TANC1: variants seen among roughly 807,000 people sequenced by gnomAD.
TANC1 encodes tetratricopeptide repeat, ankyrin repeat and coiled-coil containing 1, also known as protein TANC1.
TANC1 carries 77 observed loss-of-function variants against 149.7 expected under a neutral mutation model. The ratio of observed to expected loss-of-function variants is 0.51; its 90% confidence interval spans 0.43 to 0.62. The LOEUF (loss-of-function observed/expected upper bound fraction) is 0.62, where lower values mean the gene tolerates loss of function less well. Ranked by LOEUF, TANC1 falls within the 20% of genes least tolerant of loss-of-function variation. The pLI, the probability that TANC1 is intolerant of heterozygous loss-of-function variation, is 0.00. For missense variants in TANC1, 1,985 were observed against 2,321.8 expected, an observed-to-expected ratio of 0.85 and a Z score of 2.98; for synonymous variants, 854 against 925.0, an observed-to-expected ratio of 0.92 and a Z score of 1.39.
Position 159,230,173 on chromosome 2 carries a change from G to A in TANC1, c.4747G>A (p.Glu1583Lys), listed in dbSNP as rs1464772955. The A allele has an allele frequency of 1.9e-6, 3 of 1,614,104 alleles. No homozygotes were observed. The highest frequency in any genetic ancestry group is 2.5e-6 in the Non-Finnish European group (3 of 1,180,040). The change falls in exon 27 of 27, where the codon GAG (glutamate) becomes AAG (lysine). Residue 1583 changes from glutamate (E) to lysine (K), a missense_variant. By Grantham distance (56) the Glu-to-Lys change is moderately conservative (BLOSUM62 1). This residue lies in a region of TANC1 where 920 missense variants were observed against 994.7 expected (regional missense o/e 0.92). Transcript: ENST00000263635. This position sits in a 1 kb window ranked among gnomAD's most constrained non-coding sequence, Gnocchi z 4.4. Reference protein sequence around the residue: ...TPAGSRTQHLEGTGTFTTRAG... With the variant: ...TPAGSRTQHLKGTGTFTTRAG... ...TGCTGGGAGCAGAACCCAGCATTTAGAGGGAACAGGTACTTTCACTACAAG... is the reference window on the plus strand; with the variant it reads ...TGCTGGGAGCAGAACCCAGCATTTAAAGGGAACAGGTACTTTCACTACAAG...
intron 19 of TANC1, among the ~76,000 whole-genome samples, chr2:159,216,117 A>C (rs2059329592): frequency 6.6e-6 from 1 of 152,120 alleles, no homozygotes; most frequent in African/African-American, 2.4e-5. Flanking sequence ...AGCAGGGTGC[A>C]AGCTTTCCTG....
intron 5 of TANC1, among the ~76,000 whole-genome samples, chr2:159,142,390 T>G (rs984754274): frequency 2.6e-5 from 4 of 152,394 alleles, no homozygotes; most frequent in African/African-American, 9.6e-5. Context: ...CCTTAGTATA[T>G]GTCAAGGCAC....
rs181504805 is a variant in TANC1, at chr2:159,012,742, G to T, written c.-16+11553G>T. 2.5e-3 allele frequency among the ~76,000 whole-genome samples: 373 copies of T among 152,242 alleles called. 3 individuals are homozygous for T. Among genetic ancestry groups the T allele is most frequent in the African/African-American group, 8.6e-3 (357 of 41,530 alleles). On this transcript the variant is annotated intron_variant, in intron 2 of 26. Transcript: ENST00000263635. ...CTTAGAGTGGATGTTGGGATATTCAGGTCATTTAGGAGGCTGTGGTTAAAA... is the reference window on the plus strand; with the variant it reads ...CTTAGAGTGGATGTTGGGATATTCATGTCATTTAGGAGGCTGTGGTTAAAA...
At chr2:159,148,365 A>C (rs2052376559) in intron 5 of TANC1, 1 of 152,234 alleles carries the variant, frequency 6.6e-6, no homozygotes, top group Non-Finnish European at 1.5e-5. Flanking sequence ...ATTTAAATCA[A>C]ATCCAACCAT....
chr2:159,100,580 G>A (rs2046582759), intron 4 of TANC1, among the ~76,000 whole-genome samples: 2 of 152,110 alleles, frequency 1.3e-5, no homozygotes, highest in Admixed American at 6.6e-5. Flanking sequence ...AGATGTTTTT[G>A]GTCCAAATGA....
chr2:158,974,503 A>G (rs842068), intron 1 of TANC1, among the ~76,000 whole-genome samples: 43,377 of 152,012 alleles, frequency 0.29, 6,528 homozygotes, highest in East Asian at 0.48. Flanking sequence ...GTACAATCTC[A>G]GCTACTGCAA....
intron 18 of TANC1, 81 bp from the exon 19 acceptor site, chr2:159,198,894 C>T (rs1404500878): frequency 1.0e-6 from 1 of 956,550 alleles, no homozygotes; most frequent in Non-Finnish European, 1.7e-6. Context: ...AAAAACAACA[C>T]ACTGTCTCCT....
At chr2:158,981,058 A>G (rs1559095279) in intron 1 of TANC1, among the ~76,000 whole-genome samples, 1 of 152,166 alleles carries the variant, frequency 6.6e-6, no homozygotes, top group Non-Finnish European at 1.5e-5. Flanking sequence ...TAAAAGCAAG[A>G]TTAGAGTCAA....
intron 9 of TANC1, among the ~76,000 whole-genome samples, chr2:159,170,302 T>C (rs748291264): frequency 1.2e-4 from 18 of 152,212 alleles, no homozygotes; most frequent in Admixed American, 1.3e-4. Flanking sequence ...GAGAGTAATT[T>C]CAATAGGACA....
chr2:159,097,939 T>C (rs568574480), intron 4 of TANC1, 105 bp downstream of exon 4: 1 of 987,014 alleles, frequency 1.0e-6, no homozygotes, highest in Non-Finnish European at 1.5e-6. Context: ...ATGTTTTTTC[T>C]TTGTCGCAGT....
At chr2:158,968,816 T>A (rs1007258494) in intron 1 of TANC1, 34 bp downstream of exon 1, 4 of 152,444 alleles carry the variant, frequency 2.6e-5, no homozygotes, top group African/African-American at 9.6e-5. Context: ...GCCGCGGGCC[T>A]GCGAGCGCCC....
chr2:159,083,160 C>T lies in TANC1; in HGVS notation c.62-14477C>T, dbSNP rs571323496. 1.6e-4 allele frequency among the ~76,000 whole-genome samples: 25 copies of T among 151,836 alleles called. No homozygotes were observed. The Middle Eastern group carries it at 0.021, about 125-fold the overall frequency. Reference sequence around the variant, plus strand: ...GGGTTTCACCATGTTGGTTCAAGACCGCCAGGCTGGTCTTGAACTCCTGGC... The same window carrying T: ...GGGTTTCACCATGTTGGTTCAAGACTGCCAGGCTGGTCTTGAACTCCTGGC... On this transcript the variant is annotated intron_variant, in intron 3 of 26. Coordinates refer to ENST00000263635, the MANE Select transcript of TANC1 (RefSeq NM_033394.3).
At chr2:159,180,514 A>G (rs1365524875) in intron 14 of TANC1, among the ~76,000 whole-genome samples, 1 of 152,184 alleles carries the variant, frequency 6.6e-6, no homozygotes, top group African/African-American at 2.4e-5. Context: ...GGTCAGAGCT[A>G]GGGTGGGTGC....
At chr2:159,221,323 G>A (rs1385333494) in intron 22 of TANC1, among the ~76,000 whole-genome samples, 1 of 152,212 alleles carries the variant, frequency 6.6e-6, no homozygotes. Flanking sequence ...GGAGGCTGCA[G>A]TGAGCCAAGA....
At chr2:159,212,565 C>A (rs552756838) in intron 19 of TANC1, among the ~76,000 whole-genome samples, 8 of 152,192 alleles carry the variant, frequency 5.3e-5, no homozygotes, top group African/African-American at 1.9e-4. Flanking sequence ...TGTGTTGTAT[C>A]CATGGGAGAT....
intron 4 of TANC1, among the ~76,000 whole-genome samples, chr2:159,106,983 T>C (rs1408912053): frequency 6.6e-6 from 1 of 152,204 alleles, no homozygotes; most frequent in Non-Finnish European, 1.5e-5. Context: ...GAGGATTGTC[T>C]TTTTTACTTT....
chr2:159,004,718 A>AAAAC (rs200532934), intron 2 of TANC1, among the ~76,000 whole-genome samples: 20 of 151,774 alleles, frequency 1.3e-4, no homozygotes, highest in East Asian at 1.9e-4. Flanking sequence ...AAAACTTTAC[A>AAAAC]AAACAAACAA....
chr2:159,050,787 A>G (rs548369514), intron 2 of TANC1, among the ~76,000 whole-genome samples: 1 of 152,300 alleles, frequency 6.6e-6, no homozygotes, highest in South Asian at 2.1e-4. Flanking sequence ...GTATCGATAA[A>G]TCTTGCATTT....
intron 4 of TANC1, among the ~76,000 whole-genome samples, chr2:159,131,527 C>T (rs1160396298): frequency 6.7e-6 from 1 of 149,220 alleles, no homozygotes; most frequent in African/African-American, 2.5e-5. Context: ...GCCCCTTCCC[C>T]TGCCCCCACC....
Sources: gnomAD v4.1 joint callset for allele counts (sites outside exome capture counted in the v4.1 genomes callset) on GRCh38, gnomAD v4.1.1 for gene constraint, gnomAD v4.1.1 regional missense constraint, Gnocchi (gnomAD v3.1) non-coding constraint, MANE v1.5 for transcripts, NCBI Gene and HGNC (gene_info 2026-07-23, HGNC 2026-07-21) for gene names.